The following ANXA6 variants were observed in gnomAD, a reference collection of about 807,000 sequenced individuals.
ANXA6 encodes 67 kDa calelectrin.
In ANXA6, 71 loss-of-function variants were observed where a neutral mutation model predicts 95.4. The observed-to-expected ratio is 0.74, with a 90% CI of 0.61 to 0.91. The LOEUF is 0.91. Ranked by LOEUF, ANXA6 falls within the 40% of genes least tolerant of loss-of-function variation. The pLI is 0.00. For synonymous variants in ANXA6, 289 were observed against 315.9 expected, an observed-to-expected ratio of 0.91 and a Z score of 0.90; for missense variants, 830 against 876.4, an observed-to-expected ratio of 0.95 and a Z score of 0.67.
intron 15 of ANXA6, 70 bp downstream of exon 15, chr5:151,124,216 C>T: frequency 7.3e-7 from 1 of 1,372,192 alleles, no homozygotes; most frequent in Middle Eastern, 1.9e-4. Flanking sequence ...CATCCCCTGC[C>T]AGCCCACGGC....
intron 23 of ANXA6, 87 bp downstream of exon 23, chr5:151,108,368 T>G: frequency 1.6e-6 from 2 of 1,244,090 alleles, no homozygotes; most frequent in Non-Finnish European, 2.4e-6. Context: ...CAGTAGTAGC[T>G]TCGGAGGCTG....
chr5:151,141,749 C>T, intron 2 of ANXA6: 1 of 979,300 alleles, frequency 1.0e-6, no homozygotes, highest in Non-Finnish European at 1.2e-6. Flanking sequence ...TCTCTTCCTG[C>T]CACCTGGGAA....
chr5:151,113,573 A>T (rs7701483), intron 20 of ANXA6, among the ~76,000 whole-genome samples: 49,026 of 151,886 alleles, frequency 0.32, 9,081 homozygotes, highest in Admixed American at 0.46. Flanking sequence ...GTTCTCACTT[A>T]CGCGGGTCAG....
At chr5:151,116,451 G>A (rs1581986191) in intron 20 of ANXA6, among the ~76,000 whole-genome samples, 1 of 152,148 alleles carries the variant, frequency 6.6e-6, no homozygotes, top group Admixed American at 6.5e-5. Context: ...GAACCCTCAG[G>A]GAAAATGAAT....
At chr5:151,146,202 C>T (rs545069250) in intron 2 of ANXA6, among the ~76,000 whole-genome samples, 1 of 152,336 alleles carries the variant, frequency 6.6e-6, no homozygotes, top group Non-Finnish European at 1.5e-5. Context: ...GTCCTGGCCT[C>T]TCTGATCTTC....
At chr5:151,139,172 G>A (rs1680155108) in intron 4 of ANXA6, 181 bp downstream of exon 4, 3 of 598,678 alleles carry the variant, frequency 5.0e-6, no homozygotes, top group Admixed American at 3.0e-5. Flanking sequence ...TACAGCAGGT[G>A]CTGTGGGTGT....
At chr5:151,152,450 C>T (rs1330209174) in intron 1 of ANXA6, among the ~76,000 whole-genome samples, 1 of 152,222 alleles carries the variant, frequency 6.6e-6, no homozygotes, top group Non-Finnish European at 1.5e-5. Context: ...TATGGAATTT[C>T]TCTGCCTCAG....
chr5:151,116,886 T>A (rs1561569682), intron 20 of ANXA6, among the ~76,000 whole-genome samples: 1 of 152,244 alleles, frequency 6.6e-6, no homozygotes, highest in Non-Finnish European at 1.5e-5. Flanking sequence ...GGCTTTGACC[T>A]GGGTGATCTG....
In ANXA6 at chr5:151,147,883, C is replaced by T. The variant is rs750855175; in HGVS notation, c.18+1G>A. ...ACCTTCAGGAAAGAGAGGCCCCTTACCTGTGCTGGTTTGGCCATGGTCTCC... is the reference window on the plus strand; with the variant it reads ...ACCTTCAGGAAAGAGAGGCCCCTTATCTGTGCTGGTTTGGCCATGGTCTCC... On this transcript the variant is annotated splice_donor_variant, in intron 2 of 25. Transcript: ENST00000354546. LOFTEE classifies it high-confidence loss of function. 1 of 1,602,170 alleles carries T rather than the reference C, an allele frequency of 6.2e-7. No homozygotes were observed. Among genetic ancestry groups the T allele is most frequent in the Admixed American group, 1.7e-5 (1 of 58,438 alleles).
rs200378712 is a variant in ANXA6, at chr5:151,137,207, A to G, written c.409+24T>C. The G allele has an allele frequency of 1.3e-4, 215 of 1,602,580 alleles. No individual in the cohort carries two copies. The African/African-American group carries it at 2.4e-3, about 18-fold the overall frequency. ...CCTCATTTTGTATCTGAAGATCCTA[A>G]GCGGCCCCTCCTGCCCATCTCACCA... On this transcript the variant is annotated intron_variant, in intron 6 of 25. Coordinates refer to ENST00000354546, the MANE Select transcript of ANXA6 (RefSeq NM_001155.5).
chr5:151,117,009 A>G, intron 20 of ANXA6, 118 bp downstream of exon 20: 1 of 905,924 alleles, frequency 1.1e-6, no homozygotes, highest in South Asian at 2.1e-5. Flanking sequence ...AATCAAACCA[A>G]CCACGCCCCT....
intron 16 of ANXA6, 30 bp downstream of exon 16, chr5:151,122,887 T>C: frequency 6.2e-7 from 1 of 1,600,912 alleles, no homozygotes; most frequent in Non-Finnish European, 8.6e-7. Context: ...GCATGCATGT[T>C]GCACAGAGAG....
At chr5:151,126,610 T>G in intron 13 of ANXA6, 130 bp from the exon 14 acceptor site, 1 of 721,752 alleles carries the variant, frequency 1.4e-6, no homozygotes, top group Admixed American at 2.2e-5. Context: ...CACACACACA[T>G]TAAGCTTTCT....
intron 23 of ANXA6, among the ~76,000 whole-genome samples, chr5:151,107,511 T>C (rs994910122): frequency 6.6e-6 from 1 of 152,224 alleles, no homozygotes; most frequent in Non-Finnish European, 1.5e-5. Flanking sequence ...CCACCACCTC[T>C]ACTTCACCCA....
intron 14 of ANXA6, among the ~76,000 whole-genome samples, chr5:151,124,737 G>A (rs1216235160): frequency 6.6e-6 from 1 of 152,080 alleles, no homozygotes; most frequent in Non-Finnish European, 1.5e-5. Context: ...ATCCTACCCT[G>A]CCCCCGAGGC....
chr5:151,149,171 C>A (rs1167128769), intron 1 of ANXA6, among the ~76,000 whole-genome samples: 2 of 129,338 alleles, frequency 1.5e-5, no homozygotes, highest in Non-Finnish European at 3.2e-5. Context: ...ACAGGGCAAG[C>A]CCTGTCTCAA....
rs774022845 is a variant in ANXA6, at chr5:151,138,683, T to C, written c.313A>G (p.Ile105Val). The change falls in exon 5 of 26, where the codon ATC becomes GTC. Residue 105 changes from isoleucine (I) to valine (V), a missense_variant. Transcript: ENST00000354546. ...CATACACCCCCACTTCTTACCGAGA[T>C]GGCATCTTTAATTTCTTTGGCATCA... is the stretch of plus-strand genomic sequence containing the variant. ...YCDAKEIKDA[I>V]SGIGTDEKCL... is the part of the protein sequence containing the mutation. 6 of 1,611,518 alleles carry C rather than the reference T, an allele frequency of 3.7e-6. No individual in the cohort carries two copies. The highest frequency in any genetic ancestry group is 3.3e-5 in the Admixed American group (2 of 59,960).
At chr5:151,148,583 T>C (rs1766026789) in intron 1 of ANXA6, among the ~76,000 whole-genome samples, 1 of 152,242 alleles carries the variant, frequency 6.6e-6, no homozygotes, top group Non-Finnish European at 1.5e-5. Flanking sequence ...CATGCAGAAA[T>C]ATGAGCAATT....
At position 151,122,128 on chromosome 5, in the gene ANXA6, C is replaced by T; in HGVS notation, c.1347+19G>A. 6.6e-7 allele frequency: 1 copy of T among 1,519,816 alleles called. No individual in the cohort carries two copies. The highest frequency in any genetic ancestry group is 8.9e-7 in the Non-Finnish European group (1 of 1,125,880). 94.1% of individuals were successfully genotyped at this position (1,519,816 alleles called of 1,614,324 possible). ...TATTGGCACCCGCAGACACTAGACC[C>T]CCTGGTGCCACACTGTACCTCCATG... On this transcript the variant is annotated intron_variant, in intron 17 of 25. Transcript: ENST00000354546.
Sources: allele counts gnomAD v4.1 joint callset (sites outside exome capture counted in the v4.1 genomes callset), GRCh38; gene constraint gnomAD v4.1.1; transcripts MANE v1.5; gene names NCBI Gene and HGNC (gene_info 2026-07-23, HGNC 2026-07-21).